The following ARHGAP31 variants were observed in gnomAD, a reference collection of about 807,000 sequenced individuals.
The protein encoded by ARHGAP31 is Rho GTPase activating protein 31.
Under a neutral mutation model 113.9 loss-of-function variants are expected in ARHGAP31, and 34 were observed. The observed-to-expected ratio is 0.30, with a 90% CI of 0.23 to 0.40. The LOEUF is 0.40. Among genes scored for constraint, ARHGAP31 ranks in the 10% least tolerant of loss-of-function variants. The pLI, the probability that ARHGAP31 is intolerant of heterozygous loss-of-function variation, is 1.00. For missense variants in ARHGAP31, 1,548 were observed against 1,767.1 expected (o/e 0.88, Z 2.22); for synonymous variants, 650 against 684.8 (o/e 0.95, Z 0.79).
chr3:119,341,059 C>T (rs1426320114), intron 1 of ARHGAP31, among the ~76,000 whole-genome samples: 1 of 152,016 alleles, frequency 6.6e-6, no homozygotes, highest in Non-Finnish European at 1.5e-5. Context: ...AGAGAAGGTA[C>T]TCATAAATAT....
In ARHGAP31 at chr3:119,368,481, C is replaced by T. The variant is rs1490192990; in HGVS notation, c.313C>T (p.Pro105Ser). The T allele has an allele frequency of 6.2e-7, 1 of 1,614,148 alleles. No homozygotes were observed. Among genetic ancestry groups the T allele is most frequent in the East Asian group, 2.2e-5 (1 of 44,884 alleles). ...GCTCTACTTTAGGGAGCTGCCCAAC[C>T]CCCTCCTGACTTATGAGCTCTATGA... ...CKLYFRELPN[P>S]LLTYELYEKF... is the part of the protein sequence containing the mutation. The change falls in exon 3 of 12, where the codon CCC becomes TCC. Residue 105 changes from proline to serine, a missense_variant. Coordinates refer to ENST00000264245, the MANE Select transcript of ARHGAP31 (RefSeq NM_020754.4).
At chr3:119,352,818 A>G (rs1355803894) in intron 1 of ARHGAP31, among the ~76,000 whole-genome samples, 1 of 152,216 alleles carries the variant, frequency 6.6e-6, no homozygotes, top group African/African-American at 2.4e-5. Context: ...AGAGATCAAG[A>G]TAGAATGCAA....
At position 119,402,168 on chromosome 3, in the gene ARHGAP31, G is replaced by A. The variant is rs1297740195; in HGVS notation, c.1416G>A (p.Gln472=). 1.2e-6 allele frequency: 2 copies of A among 1,614,140 alleles called. No individual in the cohort carries two copies. Among genetic ancestry groups the A allele is most frequent in the Non-Finnish European group, 1.7e-6 (2 of 1,180,052 alleles). The change falls in exon 10 of 12, where the codon CAG becomes CAA. Residue 472 remains glutamine (Q), a synonymous_variant. Transcript: ENST00000264245. ...CCGTCTTCACCAGCAGCCTCTTCCA[G>A]ATGGAGCCCTCGCCGCGTAACCAGC... ...SKSVFTSSLF[Q]MEPSPRNQRK...
intron 1 of ARHGAP31, among the ~76,000 whole-genome samples, chr3:119,326,478 A>ATT (rs2079845180): frequency 7.4e-6 from 1 of 134,326 alleles, no homozygotes; most frequent in Non-Finnish European, 1.7e-5. Context: ...AAAACTTAAG[A>ATT]AAGTATGAGA....
At position 119,415,185 on chromosome 3, in the gene ARHGAP31, G is replaced by A. The variant is rs61744168; in HGVS notation, c.3256G>A (p.Ala1086Thr). The A allele has an allele frequency of 4.2e-3, 6,783 of 1,614,150 alleles. 244 individuals are homozygous for A. In the African/African-American group the frequency reaches 0.08, roughly 19 times the overall value. Reference protein sequence around the residue: ...QDSTSPGEHPAKLQLKSTECG... With the variant: ...QDSTSPGEHPTKLQLKSTECG... ...CAGCACTTCGCCTGGAGAGCACCCC[G>A]CAAAGTTACAGCTAAAGAGCACAGA... is the stretch of plus-strand genomic sequence containing the variant. Residue 1086 changes from alanine to threonine, a missense_variant, in exon 12 of 12, where the codon GCA becomes ACA. Transcript: ENST00000264245.
At chr3:119,351,348 C>A (rs1166310422) in intron 1 of ARHGAP31, among the ~76,000 whole-genome samples, 1 of 152,196 alleles carries the variant, frequency 6.6e-6, no homozygotes, top group African/African-American at 2.4e-5. Flanking sequence ...CTTCCTCATT[C>A]TTGGTCTGTG....
chr3:119,386,804 CA>C (rs2080453824), intron 6 of ARHGAP31, among the ~76,000 whole-genome samples: 1 of 152,194 alleles, frequency 6.6e-6, no homozygotes, highest in South Asian at 2.1e-4. Flanking sequence ...GTCCACTGGA[CA>C]GGGGGCCCTT....
chr3:119,313,399 T>C (rs971049340), intron 1 of ARHGAP31, among the ~76,000 whole-genome samples: 1 of 152,254 alleles, frequency 6.6e-6, no homozygotes, highest in Admixed American at 6.5e-5. Flanking sequence ...ATTTCACTTA[T>C]TATCTAAATA....
intron 2 of ARHGAP31, among the ~76,000 whole-genome samples, chr3:119,367,822 A>G (rs924457368): frequency 6.8e-6 from 1 of 147,812 alleles, no homozygotes; most frequent in Non-Finnish European, 1.5e-5. Flanking sequence ...GTGCTGCTAC[A>G]CTCCAGCCTG....
chr3:119,407,072 G>A (rs937441918), intron 10 of ARHGAP31, among the ~76,000 whole-genome samples: 9 of 152,114 alleles, frequency 5.9e-5, no homozygotes, highest in African/African-American at 9.7e-5. Context: ...CATGCTGGGC[G>A]CGATGGCTCA....
At chr3:119,299,322 T>C (rs2079560906) in intron 1 of ARHGAP31, among the ~76,000 whole-genome samples, 1 of 152,272 alleles carries the variant, frequency 6.6e-6, no homozygotes, top group Non-Finnish European at 1.5e-5. Context: ...ACCTTCTGAA[T>C]GTTTGGTAAG....
Position 119,416,476 on chromosome 3 carries a change from T to TAA in ARHGAP31, c.*213_*214insAA. The TAA allele has an allele frequency of 1.5e-6, 1 of 663,048 alleles. No homozygotes were observed. Among genetic ancestry groups the TAA allele is most frequent in the Non-Finnish European group, 2.5e-6 (1 of 393,086 alleles). 41.1% of individuals were successfully genotyped at this position (663,048 alleles called of 1,614,324 possible). A position where few individuals can be genotyped will look rare whatever the true frequency, so the allele number is the denominator to read the frequency against. ...ACGAGAGATGAAATTTAGTTAAGTCTATGTGAGCAAGTGAGAGAAGGTTAG... is the reference window on the plus strand; with the variant it reads ...ACGAGAGATGAAATTTAGTTAAGTCTAAATGTGAGCAAGTGAGAGAAGGTTAG... On this transcript the variant is annotated 3_prime_UTR_variant, in exon 12 of 12. Coordinates refer to ENST00000264245, the MANE Select transcript of ARHGAP31 (RefSeq NM_020754.4).
rs191070500 is a variant in ARHGAP31 at position 119,312,652 on chromosome 3, A to G, written c.100+17648A>G. Reference sequence around the variant, plus strand: ...CAACAACAACAACAATGTGATTTATAAAGTATAAAGTCCCTTCCCACATCC... The same window carrying G: ...CAACAACAACAACAATGTGATTTATGAAGTATAAAGTCCCTTCCCACATCC... On this transcript the variant is annotated intron_variant, in intron 1 of 11. Transcript: ENST00000264245. Among the ~76,000 whole-genome samples, 441 of 152,364 alleles carry G rather than the reference A, an allele frequency of 2.9e-3. 5 individuals are homozygous for G. The highest frequency in any genetic ancestry group is 1.0e-2 in the African/African-American group (415 of 41,596).
intron 1 of ARHGAP31, among the ~76,000 whole-genome samples, chr3:119,354,673 G>A (rs2080140413): frequency 6.8e-6 from 1 of 146,920 alleles, no homozygotes; most frequent in East Asian, 2.0e-4. Context: ...CACCATGCCG[G>A]GCTAATTTTT....
At chr3:119,364,555 A>G (rs1379389606) in intron 1 of ARHGAP31, among the ~76,000 whole-genome samples, 5 of 152,176 alleles carry the variant, frequency 3.3e-5, no homozygotes, top group African/African-American at 4.8e-5. Context: ...TGCATGCATC[A>G]GAGTCACCCA....
chr3:119,367,759 A>C (rs1823265), intron 2 of ARHGAP31, among the ~76,000 whole-genome samples: 19,782 of 151,230 alleles, frequency 0.13, 1,467 homozygotes, highest in African/African-American at 0.21. Flanking sequence ...TCAGAGGCTG[A>C]GGCAGGAGAA....
chr3:119,361,897 A>G (rs1297931856), intron 1 of ARHGAP31, among the ~76,000 whole-genome samples: 1 of 152,240 alleles, frequency 6.6e-6, no homozygotes, highest in Admixed American at 6.5e-5. Flanking sequence ...CTAACACTTC[A>G]CAGTGATTGG....
Position 119,409,664 on chromosome 3 carries a change from G to T in ARHGAP31, c.1814G>T (p.Arg605Met), listed in dbSNP as rs773971631. 11 of 1,611,990 alleles carry T rather than the reference G, an allele frequency of 6.8e-6. No homozygotes were observed. In the East Asian group the frequency reaches 2.5e-4, roughly 36 times the overall value. The change falls in exon 11 of 12, where the codon AGG (arginine) becomes ATG (methionine). Residue 605 changes from arginine (R) to methionine (M), a missense_variant. By Grantham distance (91) the Arg-to-Met change is moderately conservative. Coordinates refer to ENST00000264245, the MANE Select transcript of ARHGAP31 (RefSeq NM_020754.4). ...CAACATTTAAATGAATTAGAGAAGA[G>T]GCCAAATCCGGAGAAGGTGGTGGAG... ...SSQHLNELEK[R>M]PNPEKVVEEG...
chr3:119,395,735 G>C lies in ARHGAP31; in HGVS notation c.1006+2144G>C, dbSNP rs1226396167. ...GCCTGGGATCCTGAGCCAACCCCTT[G>C]CATGAGGAATGGGACTTACACCCAA... On this transcript the variant is annotated intron_variant, in intron 8 of 11. Transcript: ENST00000264245. Among the ~76,000 whole-genome samples the C allele has an allele frequency of 2.0e-5, 3 of 152,140 alleles. No individual in the cohort carries two copies. The South Asian group carries it at 6.2e-4, about 32-fold the overall frequency.
Sources: allele counts gnomAD v4.1 joint callset (sites outside exome capture counted in the v4.1 genomes callset), GRCh38; gene constraint gnomAD v4.1.1; transcripts MANE v1.5; gene names NCBI Gene and HGNC (gene_info 2026-07-23, HGNC 2026-07-21).